TULP4: variants seen among roughly 807,000 people sequenced by gnomAD.
TULP4 encodes the protein tubby-related protein 4.
TULP4 carries 16 observed loss-of-function variants against 129.0 expected under a neutral mutation model. The ratio of observed to expected loss-of-function variants is 0.12; its 90% CI spans 0.08 to 0.19. TULP4 has a LOEUF of 0.19. Among genes scored for constraint, TULP4 ranks in the 10% least tolerant of loss-of-function variants. The probability of loss-of-function intolerance (pLI) is 1.00; values close to 1 mark genes in which losing one functional copy is unlikely to be tolerated. For missense variants in TULP4, 1,842 were observed against 2,059.1 expected, an observed-to-expected ratio of 0.89 and a Z score of 2.04; for synonymous variants, 998 against 854.0, an observed-to-expected ratio of 1.17 and a Z score of -2.94.
chr6:158,264,991 C>G (rs1364556188), intron 1 of TULP4, among the ~76,000 whole-genome samples: 1 of 152,212 alleles, frequency 6.6e-6, no homozygotes, highest in Non-Finnish European at 1.5e-5. Flanking sequence ...CAGGTGGTGC[C>G]TCTGACAACA....
chr6:158,296,990 G>A (rs1377016016), intron 1 of TULP4, among the ~76,000 whole-genome samples: 7 of 152,144 alleles, frequency 4.6e-5, no homozygotes, highest in South Asian at 4.1e-4. Flanking sequence ...AACAGGGTTC[G>A]AGAGCAGAGA....
chr6:158,234,147 T>G (rs1049530636), intron 1 of TULP4, among the ~76,000 whole-genome samples: 1 of 152,372 alleles, frequency 6.6e-6, no homozygotes, highest in African/African-American at 2.4e-5. Context: ...AGAAAGAGTT[T>G]GTGTGTATAA....
intron 1 of TULP4, among the ~76,000 whole-genome samples, chr6:158,303,488 A>C (rs1347436859): frequency 1.3e-5 from 2 of 152,230 alleles, no homozygotes; most frequent in Non-Finnish European, 2.9e-5. Context: ...GTAACTACTA[A>C]TAAGGGTCTA....
chr6:158,409,418 A>G (rs1040880849), intron 1 of TULP4, among the ~76,000 whole-genome samples: 1 of 152,236 alleles, frequency 6.6e-6, no homozygotes. Flanking sequence ...ACCCCAAGAC[A>G]GAAGTTCTTT....
intron 1 of TULP4, among the ~76,000 whole-genome samples, chr6:158,349,217 C>T (rs1282148780): frequency 6.8e-6 from 1 of 147,276 alleles, no homozygotes; most frequent in Non-Finnish European, 1.5e-5. Flanking sequence ...GACGGGGTGG[C>T]CGGGCAGAGG....
At chr6:158,395,023 G>A (rs1362164646) in intron 1 of TULP4, among the ~76,000 whole-genome samples, 4 of 152,012 alleles carry the variant, frequency 2.6e-5, no homozygotes, top group African/African-American at 4.8e-5. Flanking sequence ...ATCAGATCTC[G>A]TGAGAACTCA....
At chr6:158,285,015 C>T (rs1054016205) in intron 1 of TULP4, among the ~76,000 whole-genome samples, 1 of 152,282 alleles carries the variant, frequency 6.6e-6, no homozygotes, top group South Asian at 2.1e-4. Flanking sequence ...TCCTGCTTTT[C>T]GGGTTCAACA....
At chr6:158,453,485 C>CAA (rs869146924) in intron 5 of TULP4, among the ~76,000 whole-genome samples, 4,459 of 17,268 alleles carry the variant, frequency 0.26, 819 homozygotes, top group Non-Finnish European at 0.36. Flanking sequence ...CTCTGTCTCA[C>CAA]AAAAAAAAAA....
chr6:158,355,288 A>G (rs554522611), intron 1 of TULP4, among the ~76,000 whole-genome samples: 14 of 152,146 alleles, frequency 9.2e-5, no homozygotes, highest in South Asian at 6.2e-4. Flanking sequence ...GTCTTGTTCT[A>G]TTACCCAAGC....
intron 2 of TULP4, among the ~76,000 whole-genome samples, chr6:158,417,225 T>A (rs991267678): frequency 6.6e-6 from 1 of 152,234 alleles, no homozygotes; most frequent in African/African-American, 2.4e-5. Context: ...AGGGGCCCTC[T>A]ATCATCTCCA....
intron 6 of TULP4, among the ~76,000 whole-genome samples, chr6:158,466,243 AAG>A (rs1287926511): frequency 6.6e-6 from 1 of 152,170 alleles, no homozygotes; most frequent in Admixed American, 6.5e-5. Context: ...TTCCTTGGCC[AAG>A]AGAGTCTCCA....
At chr6:158,290,874 C>T (rs544180356) in intron 1 of TULP4, among the ~76,000 whole-genome samples, 35 of 152,274 alleles carry the variant, frequency 2.3e-4, no homozygotes, top group African/African-American at 5.1e-4. Flanking sequence ...AAACTGAAAC[C>T]GGCAGCCTGG....
chr6:158,280,076 G>GT (rs776846812), upstream of TULP4, among the ~76,000 whole-genome samples: 2 of 152,232 alleles, frequency 1.3e-5, no homozygotes, highest in Non-Finnish European at 2.9e-5. Flanking sequence ...GGAAAGTTGC[G>GT]TATTTCTCGT....
chr6:158,352,389 A>T (rs1780545309), intron 1 of TULP4, among the ~76,000 whole-genome samples: 1 of 152,280 alleles, frequency 6.6e-6, no homozygotes, highest in Non-Finnish European at 1.5e-5. Flanking sequence ...ATTTGTCATG[A>T]TATGGACTGA....
intron 1 of TULP4, among the ~76,000 whole-genome samples, chr6:158,380,458 T>C (rs549085825): frequency 1.3e-5 from 2 of 152,330 alleles, no homozygotes; most frequent in African/African-American, 4.8e-5. Context: ...GTTCTTGACC[T>C]GGGTTTTGTG....
In TULP4 at chr6:158,302,214, A is replaced by G. The variant is rs748665262; in HGVS notation, n.117-9837A>G. On this transcript the variant is annotated intron_variant and non_coding_transcript_variant, in intron 1 of 1. Transcript: ENST00000432358. Reference sequence around the variant, plus strand: ...CTGGCAGATGGTAGGGCTATTCAGCACTCCCTGAGGAAGTACTTTCCATTG... The same window carrying G: ...CTGGCAGATGGTAGGGCTATTCAGCGCTCCCTGAGGAAGTACTTTCCATTG... Among the ~76,000 whole-genome samples, 33 of 152,312 alleles carry G rather than the reference A, an allele frequency of 2.2e-4. 1 individual carries two copies. The South Asian group carries it at 3.5e-3, about 16-fold the overall frequency.
chr6:158,378,463 G>GTTT (rs61250704), intron 1 of TULP4, among the ~76,000 whole-genome samples: 752 of 53,536 alleles, frequency 0.014, 109 homozygotes, highest in Non-Finnish European at 0.016. Context: ...GGGGGAGCCA[G>GTTT]TTTTTTTTTT....
rs1476810105 is a variant in TULP4, at chr6:158,503,009, C to G, written c.3346C>G (p.Leu1116Val). ...HPPLPEAAVT[L>V]KRPPPYQWDP... ...TCCCCTGCCTGAAGCTGCTGTCACC[C>G]TGAAACGGCCACCCCCTTACCAGTG... Residue 1116 changes from leucine (L) to valine (V), a missense_variant, in exon 13 of 14, where the codon CTG becomes GTG. Transcript: ENST00000367097. The surrounding 1 kb of genome is among the most constrained non-coding windows in gnomAD (Gnocchi z 4.3). 1.2e-6 allele frequency: 2 copies of G among 1,614,012 alleles called. No homozygotes were observed. Among genetic ancestry groups the G allele is most frequent in the African/African-American group, 1.3e-5 (1 of 74,906 alleles).
chr6:158,311,748 T>C (rs560403012), upstream of TULP4, among the ~76,000 whole-genome samples: 11 of 152,182 alleles, frequency 7.2e-5, no homozygotes, highest in Non-Finnish European at 1.6e-4. Context: ...TTCAGTCTCT[T>C]AGAAAGTACA....
Sources: gnomAD v4.1 joint callset for allele counts (sites outside exome capture counted in the v4.1 genomes callset) on GRCh38, gnomAD v4.1.1 for gene constraint, Gnocchi (gnomAD v3.1) non-coding constraint, MANE v1.5 for transcripts, NCBI Gene and HGNC (gene_info 2026-07-23, HGNC 2026-07-21) for gene names.